The following SLC25A21 variants were observed in gnomAD, a reference collection of about 807,000 sequenced individuals.
The protein encoded by SLC25A21 is mitochondrial 2-oxodicarboxylate carrier.
Under a neutral mutation model 43.8 loss-of-function variants are expected in SLC25A21, and 47 were observed. That is an observed-to-expected ratio of 1.07 (90% CI 0.85 to 1.37). The LOEUF (loss-of-function observed/expected upper bound fraction) is 1.37. Ranked by LOEUF, SLC25A21 falls within the 40% of genes most tolerant of loss-of-function variation. The probability of loss-of-function intolerance (pLI) is 0.00; values close to 1 mark genes in which losing one functional copy is unlikely to be tolerated. For synonymous variants in SLC25A21, 131 were observed against 121.3 expected (o/e 1.08, Z -0.52); for missense variants, 352 against 350.2 (o/e 1.00, Z -0.04).
intron 1 of SLC25A21, among the ~76,000 whole-genome samples, chr14:37,147,844 C>CTTTTTTTTTTTTTTTTTTTTTT (rs61239254): frequency 7.9e-6 from 1 of 126,250 alleles, no homozygotes; most frequent in Non-Finnish European, 1.6e-5. Context: ...TTTTTCTTTT[C>CTTTTTTTTTTTTTTTTTTTTTT]TTTTTTTTTT....
chr14:36,858,855 G>A (rs848046), intron 2 of SLC25A21, among the ~76,000 whole-genome samples: 89,103 of 151,996 alleles, frequency 0.59, 27,264 homozygotes, highest in African/African-American at 0.75. Flanking sequence ...CCTGAAGATA[G>A]ATTTTAGGGT....
chr14:37,166,953 G>A (rs1003425470), intron 1 of SLC25A21, among the ~76,000 whole-genome samples: 4 of 152,096 alleles, frequency 2.6e-5, no homozygotes, highest in Non-Finnish European at 4.4e-5. Context: ...AAGAAAACCT[G>A]ATGAATCAGA....
At chr14:36,919,649 A>ATCTGTCTG (rs1555336819) in intron 1 of SLC25A21, among the ~76,000 whole-genome samples, 6 of 149,630 alleles carry the variant, frequency 4.0e-5, no homozygotes, top group African/African-American at 1.5e-4. Context: ...CTATCTATCT[A>ATCTGTCTG]TCTATCTATC....
At position 36,680,228 on chromosome 14, in the gene SLC25A21, T is replaced by TAA; in HGVS notation, c.*428_*429dup. On this transcript the variant is annotated 3_prime_UTR_variant, in exon 10 of 10. Transcript: ENST00000331299. ...TATAAAAACTGCTTAAATTTTGGCT[T>TAA]AACTTTTTTTTAATCCAGTCTTTGA... 1.1e-6 allele frequency: 1 copy of TAA among 923,690 alleles called. No homozygotes were observed. Among genetic ancestry groups the TAA allele is most frequent in the Non-Finnish European group, 1.3e-6 (1 of 774,042 alleles). 57.2% of individuals were successfully genotyped at this position (923,690 alleles called of 1,614,324 possible). A position where few individuals can be genotyped will look rare whatever the true frequency, so the allele number is the denominator to read the frequency against.
chr14:37,147,844 C>CTCTTTT (rs1963693517), intron 1 of SLC25A21, among the ~76,000 whole-genome samples: 1 of 126,252 alleles, frequency 7.9e-6, no homozygotes, highest in Non-Finnish European at 1.6e-5. Flanking sequence ...TTTTTCTTTT[C>CTCTTTT]TTTTTTTTTT....
At chr14:36,713,719 C>G in intron 6 of SLC25A21, among the ~76,000 whole-genome samples, 1 of 152,112 alleles carries the variant, frequency 6.6e-6, no homozygotes, top group East Asian at 1.9e-4. Context: ...TGCAGTGGCT[C>G]AAACCTGTAA....
At chr14:36,712,561 T>G (rs554823504) in intron 6 of SLC25A21, among the ~76,000 whole-genome samples, 1 of 152,336 alleles carries the variant, frequency 6.6e-6, no homozygotes, top group African/African-American at 2.4e-5. Flanking sequence ...AATAGCTATG[T>G]AATTAATGTG....
intron 3 of SLC25A21, among the ~76,000 whole-genome samples, chr14:36,755,306 C>T (rs1325532): frequency 0.13 from 20,533 of 152,196 alleles, 2,007 homozygotes; most frequent in African/African-American, 0.28. Context: ...TATCACTCAC[C>T]ATGTAAAACC....
intron 1 of SLC25A21, among the ~76,000 whole-genome samples, chr14:37,158,886 T>A (rs1027687301): frequency 1.3e-5 from 2 of 152,150 alleles, no homozygotes; most frequent in African/African-American, 4.8e-5. Context: ...TGTAGTAAAC[T>A]TTCAGGATAC....
intron 1 of SLC25A21, among the ~76,000 whole-genome samples, chr14:37,082,218 ACT>A (rs1413035461): frequency 6.6e-6 from 1 of 152,064 alleles, no homozygotes; most frequent in African/African-American, 2.4e-5. Flanking sequence ...AACAACAGAC[ACT>A]CTGGACTACT....
chr14:36,795,207 C>T (rs1887634019), intron 3 of SLC25A21, among the ~76,000 whole-genome samples: 1 of 152,146 alleles, frequency 6.6e-6, no homozygotes, highest in South Asian at 2.1e-4. Flanking sequence ...TTTTAAAATG[C>T]TACTGAAAGG....
chr14:36,935,871 C>A (rs1409721334), intron 1 of SLC25A21, among the ~76,000 whole-genome samples: 2 of 152,050 alleles, frequency 1.3e-5, no homozygotes, highest in African/African-American at 2.4e-5. Flanking sequence ...TTAAAACTTT[C>A]CTTTGCATAT....
chr14:37,165,579 G>C (rs1221833803), intron 1 of SLC25A21, among the ~76,000 whole-genome samples: 1 of 152,152 alleles, frequency 6.6e-6, no homozygotes, highest in South Asian at 2.1e-4. Flanking sequence ...GAGGCAGGAG[G>C]AGGGTCCTGG....
At chr14:37,117,205 TG>T (rs2138885229) in intron 1 of SLC25A21, among the ~76,000 whole-genome samples, 1 of 152,320 alleles carries the variant, frequency 6.6e-6, no homozygotes, top group South Asian at 2.1e-4. Context: ...AAACAGTGGC[TG>T]TGAATGGAGT....
chr14:36,833,384 G>A (rs1252644629), intron 2 of SLC25A21, among the ~76,000 whole-genome samples: 3 of 152,152 alleles, frequency 2.0e-5, no homozygotes, highest in Non-Finnish European at 4.4e-5. Context: ...ACAGAAAAGG[G>A]CCTTGTTAGA....
chr14:36,724,862 G>GA (rs1884527957), intron 6 of SLC25A21, among the ~76,000 whole-genome samples: 1 of 150,234 alleles, frequency 6.7e-6, no homozygotes, highest in South Asian at 2.1e-4. Context: ...AAATGACTCA[G>GA]TTTTTTTTTT....
intron 1 of SLC25A21, among the ~76,000 whole-genome samples, chr14:36,917,682 T>C (rs1052290010): frequency 6.6e-6 from 1 of 151,818 alleles, no homozygotes; most frequent in African/African-American, 2.4e-5. Context: ...ATAAAGTCAA[T>C]TGCTGGCATC....
At chr14:36,829,377 C>A (rs1266875143) in intron 2 of SLC25A21, among the ~76,000 whole-genome samples, 1 of 152,172 alleles carries the variant, frequency 6.6e-6, no homozygotes, top group Non-Finnish European at 1.5e-5. Flanking sequence ...TCCCGCAAGG[C>A]TTCCTCAGGC....
Position 36,684,823 on chromosome 14 carries a change from G to A in SLC25A21, c.706C>T (p.Gln236Ter), listed in dbSNP as rs774862375. 6.2e-7 allele frequency: 1 copy of A among 1,614,042 alleles called. No individual in the cohort carries two copies. The highest frequency in any genetic ancestry group is 8.5e-7 in the Non-Finnish European group (1 of 1,179,986). Residue 236 changes from glutamine to a stop codon, truncating the protein, a stop_gained, in exon 8 of 10, where the codon CAA (glutamine) becomes TAA (stop). Transcript: ENST00000331299. LOFTEE classifies it high-confidence loss of function. ...TCTCCAGGAACTGGTTGAGGCCCTT[G>A]AATCCTACTTTTGGCAACATCAAAA... is the stretch of plus-strand genomic sequence containing the variant. ...IPFDVAKSRIQGPQPVPGEIK... is the reference protein window; with the variant it reads ...IPFDVAKSRI
Sources: allele counts gnomAD v4.1 joint callset (sites outside exome capture counted in the v4.1 genomes callset), GRCh38; gene constraint gnomAD v4.1.1; transcripts MANE v1.5; gene names NCBI Gene and HGNC (gene_info 2026-07-23, HGNC 2026-07-21).